EBAG9: variants seen among roughly 807,000 people sequenced by gnomAD.
EBAG9 encodes receptor-binding cancer antigen expressed on SiSo cells.
A neutral mutation model predicts 30.9 loss-of-function variants in EBAG9; 16 were observed. The observed-to-expected ratio is 0.52, with a 90% CI of 0.35 to 0.79. EBAG9 has a LOEUF of 0.79. EBAG9 is among the 30% of genes least tolerant of loss of function. The probability of loss-of-function intolerance (pLI) is 0.01; values close to 1 mark genes in which losing one functional copy is unlikely to be tolerated. For missense variants in EBAG9, 197 were observed against 242.1 expected, an observed-to-expected ratio of 0.81 and a Z score of 1.24; for synonymous variants, 93 against 82.8, an observed-to-expected ratio of 1.12 and a Z score of -0.67.
intron 5 of EBAG9, 32 bp from the exon 6 acceptor site, chr8:109,560,806 C>G (rs1374776167): frequency 2.7e-6 from 4 of 1,506,368 alleles, no homozygotes; most frequent in East Asian, 2.3e-5. Flanking sequence ...ATGGCTTTTA[C>G]TCTCTTAATT....
intron 2 of EBAG9, 75 bp downstream of exon 2, chr8:109,550,982 C>G: frequency 1.1e-6 from 1 of 940,004 alleles, no homozygotes; most frequent in Non-Finnish European, 1.7e-6. Context: ...CTTCAAATTT[C>G]GTGGACAGGA....
chr8:109,545,620 C>T (rs1374378449), intron 1 of EBAG9, among the ~76,000 whole-genome samples: 8 of 152,088 alleles, frequency 5.3e-5, no homozygotes, highest in African/African-American at 1.9e-4. Flanking sequence ...GCCTCAGCCT[C>T]CCAAAGCGCT....
At chr8:109,553,964 CTTTTG>C (rs373590104) in intron 3 of EBAG9, 21 bp downstream of exon 3, 14 of 1,558,328 alleles carry the variant, frequency 9.0e-6, no homozygotes, top group Admixed American at 7.7e-5. Context: ...TTTGTGTGTT[CTTTTG>C]TTTTGTTTTG....
chr8:109,556,766 T>C (rs533424029), intron 4 of EBAG9, among the ~76,000 whole-genome samples, 169 bp from the exon 5 acceptor site: 1 of 152,274 alleles, frequency 6.6e-6, no homozygotes, highest in Non-Finnish European at 1.5e-5. Flanking sequence ...TGTAACTGAT[T>C]TGTACAACAA....
At chr8:109,553,517 G>A (rs1405795498) in intron 2 of EBAG9, among the ~76,000 whole-genome samples, 1 of 152,174 alleles carries the variant, frequency 6.6e-6, no homozygotes, top group East Asian at 1.9e-4. Flanking sequence ...AACAGCAAAG[G>A]TGGCCCAGAA....
At chr8:109,557,818 A>G in intron 5 of EBAG9, 2 of 386,954 alleles carry the variant, frequency 5.2e-6, no homozygotes, top group East Asian at 1.6e-4. Flanking sequence ...TCTACACCTG[A>G]CAAATTAATG....
At chr8:109,561,647 G>C (rs1005299259) in intron 6 of EBAG9, among the ~76,000 whole-genome samples, 3 of 151,844 alleles carry the variant, frequency 2.0e-5, no homozygotes. Context: ...TTTTTAAATT[G>C]TGTAGTAAGA....
At chr8:109,561,215 T>A (rs891939092) in intron 6 of EBAG9, among the ~76,000 whole-genome samples, 1 of 148,928 alleles carries the variant, frequency 6.7e-6, no homozygotes, top group East Asian at 1.9e-4. Context: ...TATATATGTT[T>A]TATATATATA....
chr8:109,552,378 G>C (rs888219695), intron 2 of EBAG9, among the ~76,000 whole-genome samples: 9 of 152,112 alleles, frequency 5.9e-5, no homozygotes, highest in Non-Finnish European at 1.0e-4. Flanking sequence ...TGGTTGACTT[G>C]AAATCACCCA....
intron 4 of EBAG9, among the ~76,000 whole-genome samples, chr8:109,556,260 T>A (rs1821595928): frequency 1.3e-5 from 2 of 152,104 alleles, no homozygotes; most frequent in African/African-American, 2.4e-5. Flanking sequence ...ACCTTCTTTC[T>A]CTCAGCTGAT....
chr8:109,543,788 T>G (rs1468752392), intron 1 of EBAG9, among the ~76,000 whole-genome samples: 1 of 152,154 alleles, frequency 6.6e-6, no homozygotes, highest in African/African-American at 2.4e-5. Context: ...CCCAGCACTT[T>G]GGGAGGCTGA....
chr8:109,562,340 A>G (rs560897556), intron 6 of EBAG9, among the ~76,000 whole-genome samples: 1 of 152,190 alleles, frequency 6.6e-6, no homozygotes, highest in East Asian at 1.9e-4. Flanking sequence ...AAATGTACTT[A>G]AAAACTTAAT....
intron 6 of EBAG9, among the ~76,000 whole-genome samples, chr8:109,563,875 G>GGT (rs1721245616): frequency 6.6e-6 from 1 of 151,980 alleles, no homozygotes; most frequent in Non-Finnish European, 1.5e-5. Context: ...TCTTCTCTTT[G>GGT]GTAGAGTTAG....
At chr8:109,564,318 T>C in intron 6 of EBAG9, 121 bp from the exon 7 acceptor site, 1 of 1,343,924 alleles carries the variant, frequency 7.4e-7, no homozygotes, top group Non-Finnish European at 1.0e-6. Context: ...AGTGAGAAAA[T>C]TTTAAGACTT....
intron 2 of EBAG9, 107 bp from the exon 3 acceptor site, chr8:109,553,758 A>C (rs975391815): frequency 2.4e-6 from 2 of 827,542 alleles, no homozygotes; most frequent in Non-Finnish European, 3.7e-6. Context: ...TAATCATAAA[A>C]TTGAGAAAGA....
At chr8:109,551,915 A>G (rs1056719576) in intron 2 of EBAG9, among the ~76,000 whole-genome samples, 3 of 152,184 alleles carry the variant, frequency 2.0e-5, no homozygotes, top group African/African-American at 7.2e-5. Flanking sequence ...ATTTTTTACA[A>G]TGGCTACTAA....
chr8:109,543,910 G>T (rs1381980618), intron 1 of EBAG9, among the ~76,000 whole-genome samples: 1 of 151,786 alleles, frequency 6.6e-6, no homozygotes, highest in East Asian at 1.9e-4. Flanking sequence ...TGTGCCAGTA[G>T]TCTCAGATTT....
chr8:109,564,062 C>A (rs1176076972), intron 6 of EBAG9, among the ~76,000 whole-genome samples: 1 of 151,888 alleles, frequency 6.6e-6, no homozygotes, highest in African/African-American at 2.4e-5. Flanking sequence ...TGAATGGTAT[C>A]CCCAGAAAAA....
chr8:109,553,546 C>T (rs1821535310), intron 2 of EBAG9, among the ~76,000 whole-genome samples: 1 of 152,234 alleles, frequency 6.6e-6, no homozygotes, highest in Non-Finnish European at 1.5e-5. Flanking sequence ...ACAGAACCCA[C>T]AGCACTCCAA....
Sources: allele counts gnomAD v4.1 joint callset (sites outside exome capture counted in the v4.1 genomes callset), GRCh38; gene constraint gnomAD v4.1.1; transcripts MANE v1.5; gene names NCBI Gene and HGNC (gene_info 2026-07-23, HGNC 2026-07-21).